Variants in PKP4 observed in about 807,000 individuals in gnomAD.
PKP4 encodes plakophilin-4.
Under a neutral mutation model 145.1 loss-of-function variants are expected in PKP4, and 90 were observed. The observed-to-expected ratio is 0.62, with a 90% CI of 0.52 to 0.74. PKP4 has a LOEUF of 0.74. Among genes scored for constraint, PKP4 ranks in the 30% least tolerant of loss-of-function variants. The probability of loss-of-function intolerance (pLI) is 0.00; values close to 1 mark genes in which losing one functional copy is unlikely to be tolerated. For synonymous variants in PKP4, 563 were observed against 577.2 expected (o/e 0.98, Z 0.35); for missense variants, 1,340 against 1,482.7 (o/e 0.90, Z 1.58).
intron 2 of PKP4, among the ~76,000 whole-genome samples, chr2:158,569,729 A>G (rs1372828423): frequency 2.6e-5 from 4 of 152,198 alleles, no homozygotes; most frequent in Non-Finnish European, 5.9e-5. Context: ...TTCTTTGCAA[A>G]AGAAAAAGTG....
intron 11 of PKP4, among the ~76,000 whole-genome samples, chr2:158,649,306 G>A (rs2055127844): frequency 6.6e-6 from 1 of 152,150 alleles, no homozygotes; most frequent in African/African-American, 2.4e-5. Flanking sequence ...CCCTTCCCCT[G>A]CCTACCCTGG....
At chr2:158,633,601 C>T (rs1471332903) in intron 8 of PKP4, among the ~76,000 whole-genome samples, 1 of 152,094 alleles carries the variant, frequency 6.6e-6, no homozygotes, top group Non-Finnish European at 1.5e-5. Context: ...TAACTGAAAC[C>T]ATGGAAAGCA....
chr2:158,634,056 T>C lies in PKP4; in HGVS notation c.1343-14T>C. On this transcript the variant is annotated splice_polypyrimidine_tract_variant and intron_variant, in intron 8 of 21. Coordinates refer to ENST00000389759, the MANE Select transcript of PKP4 (RefSeq NM_003628.6). Reference sequence around the variant, plus strand: ...GAGAACATACTAATCTTTTTCAAAATGTTGACTTTCTAGTAGGTATTGGAA... The same window carrying C: ...GAGAACATACTAATCTTTTTCAAAACGTTGACTTTCTAGTAGGTATTGGAA... 6.8e-7 allele frequency: 1 copy of C among 1,460,762 alleles called. No individual in the cohort carries two copies. The highest frequency in any genetic ancestry group is 9.6e-7 in the Non-Finnish European group (1 of 1,041,198). 90.5% of individuals were successfully genotyped at this position (1,460,762 alleles called of 1,614,324 possible).
intron 3 of PKP4, among the ~76,000 whole-genome samples, chr2:158,593,166 A>G (rs962172299): frequency 6.6e-6 from 1 of 152,132 alleles, no homozygotes; most frequent in African/African-American, 2.4e-5. Context: ...AGGCAACAGC[A>G]TTTTGTAGAC....
At chr2:158,588,672 T>C (rs1159535194) in intron 3 of PKP4, among the ~76,000 whole-genome samples, 4 of 152,192 alleles carry the variant, frequency 2.6e-5, no homozygotes, top group Non-Finnish European at 5.9e-5. Context: ...GTGACACGTA[T>C]GTGGAAGAAA....
intron 2 of PKP4, among the ~76,000 whole-genome samples, chr2:158,544,537 A>G (rs2044805901): frequency 6.6e-6 from 1 of 152,158 alleles, no homozygotes; most frequent in Admixed American, 6.5e-5. Context: ...GCTCAACAAG[A>G]AAAGTCCTCG....
chr2:158,539,132 C>G (rs2044309810), intron 2 of PKP4, among the ~76,000 whole-genome samples: 1 of 152,118 alleles, frequency 6.6e-6, no homozygotes, highest in Non-Finnish European at 1.5e-5. Context: ...ACCATTCTAT[C>G]TTCAGTATGT....
At chr2:158,463,759 T>C (rs1179716178) in intron 1 of PKP4, among the ~76,000 whole-genome samples, 1 of 152,228 alleles carries the variant, frequency 6.6e-6, no homozygotes, top group Non-Finnish European at 1.5e-5. Context: ...CAAGGATTTA[T>C]GACAATTTAC....
chr2:158,499,168 A>G (rs967492838), intron 1 of PKP4, among the ~76,000 whole-genome samples: 3 of 152,180 alleles, frequency 2.0e-5, no homozygotes, highest in African/African-American at 7.2e-5. Flanking sequence ...GTAAGGGGAA[A>G]GGCTTGGTGA....
At chr2:158,563,986 G>A (rs909450105) in intron 2 of PKP4, among the ~76,000 whole-genome samples, 2 of 151,978 alleles carry the variant, frequency 1.3e-5, no homozygotes, top group Admixed American at 1.3e-4. Flanking sequence ...GGTTTGTCCT[G>A]GTACATGCAA....
intron 20 of PKP4, among the ~76,000 whole-genome samples, chr2:158,678,348 C>A (rs2058194703): frequency 6.6e-6 from 1 of 152,190 alleles, no homozygotes; most frequent in South Asian, 2.1e-4. Context: ...TGGGGAAACA[C>A]ACACAGCCTG....
chr2:158,590,862 T>C (rs1485521828), intron 3 of PKP4, among the ~76,000 whole-genome samples: 1 of 152,102 alleles, frequency 6.6e-6, no homozygotes, highest in Non-Finnish European at 1.5e-5. Flanking sequence ...TGGATCAGGC[T>C]GACAGGACAT....
At chr2:158,554,356 A>G (rs1246443439) in intron 2 of PKP4, among the ~76,000 whole-genome samples, 4 of 151,830 alleles carry the variant, frequency 2.6e-5, no homozygotes, top group Non-Finnish European at 5.9e-5. Flanking sequence ...TTTAGACATT[A>G]TATTCTTAGG....
intron 1 of PKP4, among the ~76,000 whole-genome samples, chr2:158,468,772 T>TC (rs925563654): frequency 2.9e-5 from 4 of 139,760 alleles, no homozygotes; most frequent in Non-Finnish European, 4.7e-5. Context: ...TTCTTCTTCT[T>TC]TTTTTTTTTT....
intron 1 of PKP4, among the ~76,000 whole-genome samples, chr2:158,501,942 G>A (rs1696646539): frequency 6.6e-6 from 1 of 152,160 alleles, no homozygotes; most frequent in African/African-American, 2.4e-5. Flanking sequence ...TTTCCTGAAT[G>A]TGTGCCTCAG....
At chr2:158,560,834 C>G (rs1480583193) in intron 2 of PKP4, among the ~76,000 whole-genome samples, 4 of 152,170 alleles carry the variant, frequency 2.6e-5, no homozygotes, top group Non-Finnish European at 4.4e-5. Flanking sequence ...GTTTAAGTGA[C>G]TTGTCTAATA....
intron 1 of PKP4, among the ~76,000 whole-genome samples, chr2:158,522,899 A>G (rs1306437261): frequency 6.6e-6 from 1 of 152,234 alleles, no homozygotes; most frequent in Non-Finnish European, 1.5e-5. Flanking sequence ...GGTCACTCCC[A>G]CCCGAATACT....
intron 2 of PKP4, among the ~76,000 whole-genome samples, chr2:158,554,672 G>A (rs1321883129): frequency 6.6e-6 from 1 of 152,138 alleles, no homozygotes; most frequent in East Asian, 1.9e-4. Context: ...TGATCCGCCT[G>A]CGTCAGCCTC....
At chr2:158,637,354 T>C (rs1213881258) in intron 9 of PKP4, among the ~76,000 whole-genome samples, 1 of 152,186 alleles carries the variant, frequency 6.6e-6, no homozygotes, top group Non-Finnish European at 1.5e-5. Context: ...CTGTTCAGCC[T>C]TGAGCCGTGC....
Sources: allele counts gnomAD v4.1 joint callset (sites outside exome capture counted in the v4.1 genomes callset), GRCh38; gene constraint gnomAD v4.1.1; transcripts MANE v1.5; gene names NCBI Gene and HGNC (gene_info 2026-07-23, HGNC 2026-07-21).